TRAFD1: variants seen among roughly 807,000 people sequenced by gnomAD.
TRAFD1 encodes TRAF-type zinc finger domain-containing protein 1.
In TRAFD1, 38 loss-of-function variants were observed where a neutral mutation model predicts 65.3. The observed-to-expected ratio is 0.58, with a 90% CI of 0.45 to 0.76. The LOEUF is 0.76. TRAFD1 is among the 30% of genes least tolerant of loss of function. TRAFD1 has a pLI of 0.00. For synonymous variants in TRAFD1, 223 were observed against 257.2 expected, an observed-to-expected ratio of 0.87 and a Z score of 1.27; for missense variants, 631 against 712.6, an observed-to-expected ratio of 0.89 and a Z score of 1.30.
rs1593868441 is a variant in TRAFD1 at position 112,141,245 on chromosome 12, G to C, written c.643+21G>C. On this transcript the variant is annotated intron_variant, in intron 5 of 11. Coordinates refer to ENST00000412615, the MANE Select transcript of TRAFD1 (RefSeq NM_006700.3). ...TCTGTGTGAGTTGTGCTTGGGATTA[G>C]GGAACTAGAATGGTATCAAAATCCC... 3.7e-6 allele frequency: 6 copies of C among 1,610,216 alleles called. No individual in the cohort carries two copies. The African/African-American group carries it at 8.0e-5, about 21-fold the overall frequency.
chr12:112,130,680 GCTTT>G lies in TRAFD1; in HGVS notation c.47+114_47+117del, dbSNP rs2079563200. The G allele has an allele frequency of 1.1e-6, 1 of 878,932 alleles. No individual in the cohort carries two copies. Among genetic ancestry groups the G allele is most frequent in the African/African-American group, 1.7e-5 (1 of 58,336 alleles). 54.4% of individuals were successfully genotyped at this position (878,932 alleles called of 1,614,324 possible). ...GAAGACTGGCACAGTCTTGAGTTAA[GCTTT>G]CTATTTTGGTGTTTATAACCCACAT... On this transcript the variant is annotated intron_variant, in intron 2 of 11. Transcript: ENST00000412615. This position sits in a 1 kb window ranked among gnomAD's most constrained non-coding sequence, Gnocchi z 4.4.
chr12:112,147,199 A>G (rs977350645), intron 7 of TRAFD1, among the ~76,000 whole-genome samples: 8 of 151,906 alleles, frequency 5.3e-5, no homozygotes, highest in Admixed American at 2.6e-4. Context: ...GGGTTTCACC[A>G]TGTTGGCTAG....
Position 112,148,134 on chromosome 12 carries a change from G to A in TRAFD1, c.988G>A (p.Gly330Arg), listed in dbSNP as rs767565949. ...CAATACTGGCAGCTCTTCCCCCAGAGGGGTGGAGGAACCTGATGTCATCTT... is the reference window on the plus strand; with the variant it reads ...CAATACTGGCAGCTCTTCCCCCAGAAGGGTGGAGGAACCTGATGTCATCTT... ...SLNTGSSSPR[G>R]VEEPDVIFQN... is the part of the protein sequence containing the mutation. The change falls in exon 8 of 12, where the codon GGG becomes AGG. Residue 330 changes from glycine to arginine, a missense_variant. By Grantham distance (125) the Gly-to-Arg change is moderately radical. Transcript: ENST00000412615. 4 of 1,614,170 alleles carry A rather than the reference G, an allele frequency of 2.5e-6. No homozygotes were observed. The highest frequency in any genetic ancestry group is 3.4e-6 in the Non-Finnish European group (4 of 1,179,998).
At chr12:112,147,973 A>T in intron 7 of TRAFD1, 101 bp from the exon 8 acceptor site, 2 of 1,152,918 alleles carry the variant, frequency 1.7e-6, no homozygotes, top group Non-Finnish European at 2.4e-6. Context: ...CCGGCCAAGC[A>T]TTGTTAAAAT....
chr12:112,146,553 G>A (rs2030255376), intron 7 of TRAFD1, among the ~76,000 whole-genome samples: 1 of 152,206 alleles, frequency 6.6e-6, no homozygotes, highest in East Asian at 1.9e-4. Context: ...TTTCTAGAAA[G>A]GTCAAGGGTG....
chr12:112,135,550 CG>C (rs2079594473), intron 4 of TRAFD1, among the ~76,000 whole-genome samples: 1 of 152,096 alleles, frequency 6.6e-6, no homozygotes, highest in African/African-American at 2.4e-5. Flanking sequence ...TCTCCTGCCT[CG>C]GCCTCCTGAG....
At chr12:112,139,492 C>G (rs1476339861) in intron 4 of TRAFD1, among the ~76,000 whole-genome samples, 3 of 151,454 alleles carry the variant, frequency 2.0e-5, no homozygotes, top group Admixed American at 6.6e-5. Context: ...GGTGTTATCC[C>G]AGCTCACTGC....
intron 1 of TRAFD1, among the ~76,000 whole-genome samples, chr12:112,129,801 C>T (rs111958936): frequency 0.065 from 9,916 of 152,006 alleles, 363 homozygotes; most frequent in Middle Eastern, 0.16. Context: ...CGCCACCACA[C>T]CCAGCTAATT....
chr12:112,153,051 G>A lies in TRAFD1; in HGVS notation c.*260G>A, dbSNP rs2030453467. ...GCAGTGAAATACAAGCTGCAGCCTC[G>A]GCTGCCAGGGCTCCCTTTTGACTTA... On this transcript the variant is annotated 3_prime_UTR_variant, in exon 12 of 12. Coordinates refer to ENST00000412615, the MANE Select transcript of TRAFD1 (RefSeq NM_006700.3). 4.7e-6 allele frequency: 2 copies of A among 421,100 alleles called. No homozygotes were observed. Among genetic ancestry groups the A allele is most frequent in the Non-Finnish European group, 8.5e-6 (2 of 235,040 alleles). 26.1% of individuals were successfully genotyped at this position (421,100 alleles called of 1,614,324 possible). A position where few individuals can be genotyped will look rare whatever the true frequency, so the allele number is the denominator to read the frequency against.
At chr12:112,147,067 G>A (rs1470492143) in intron 7 of TRAFD1, among the ~76,000 whole-genome samples, 1 of 138,418 alleles carries the variant, frequency 7.2e-6, no homozygotes, top group African/African-American at 2.8e-5. Context: ...TGACGCGATC[G>A]GGGCTCACTG....
Position 112,152,255 on chromosome 12 carries a change from G to A in TRAFD1, c.1619+115G>A. The A allele has an allele frequency of 7.1e-6, 10 of 1,406,688 alleles. No homozygotes were observed. Among genetic ancestry groups the A allele is most frequent in the Middle Eastern group, 1.8e-4 (1 of 5,496 alleles). 87.1% of individuals were successfully genotyped at this position (1,406,688 alleles called of 1,614,324 possible). On this transcript the variant is annotated intron_variant, in intron 10 of 11. Coordinates refer to ENST00000412615, the MANE Select transcript of TRAFD1 (RefSeq NM_006700.3). The surrounding 1 kb of genome is among the most constrained non-coding windows in gnomAD (Gnocchi z 5.0). ...GACTGAGGTACTTGCATGGTAAGGG[G>A]AGGAGTATGGATTTTCCCTGTATTG... is the stretch of plus-strand genomic sequence containing the variant.
At chr12:112,129,193 ATTTTTTTTT>A (rs56949881) in intron 1 of TRAFD1, among the ~76,000 whole-genome samples, 6 of 81,366 alleles carry the variant, frequency 7.4e-5, no homozygotes, top group South Asian at 5.0e-4. Context: ...TGGGATGGTG[ATTTTTTTTT>A]TTTTTTTTTT....
intron 2 of TRAFD1, among the ~76,000 whole-genome samples, chr12:112,133,705 T>A (rs1389511974): frequency 1.3e-5 from 2 of 151,662 alleles, no homozygotes; most frequent in Admixed American, 1.3e-4. Flanking sequence ...CAGGATTTAG[T>A]TCTTTTTTTT....
chr12:112,149,748 T>A lies in TRAFD1; in HGVS notation c.1159-3T>A, dbSNP rs754921888. On this transcript the variant is annotated splice_polypyrimidine_tract_variant and splice_region_variant and intron_variant, in intron 8 of 11. Coordinates refer to ENST00000412615, the MANE Select transcript of TRAFD1 (RefSeq NM_006700.3). ...GGTACTAATTCTGGTTTTTCTTGTT[T>A]AGGACCAGTGTGACCAACGCCCAGC... 1.9e-5 allele frequency: 30 copies of A among 1,614,048 alleles called. No individual in the cohort carries two copies. In the Admixed American group the frequency reaches 5.0e-4, roughly 27 times the overall value.
In TRAFD1 at chr12:112,148,287, G is replaced by C. The variant is rs142954248; in HGVS notation, c.1141G>C (p.Val381Leu). 2,002 of 1,614,094 alleles carry C rather than the reference G, an allele frequency of 1.2e-3. 2 individuals are homozygous for C. The highest frequency in any genetic ancestry group is 1.5e-3 in the Non-Finnish European group (1,794 of 1,179,964). The change falls in exon 8 of 12, where the codon GTG (valine) becomes CTG (leucine). Residue 381 changes from valine to leucine, a missense_variant. Coordinates refer to ENST00000412615, the MANE Select transcript of TRAFD1 (RefSeq NM_006700.3). ...CTGTGGGGTACAGCTGGAAGAGGAG[G>C]TGCTGTTCCATCACCAGGTAAGGGT... is the stretch of plus-strand genomic sequence containing the variant. The part of the protein sequence containing the change: ...EFCGVQLEEE[V>L]LFHHQDQCDQ...
intron 7 of TRAFD1, among the ~76,000 whole-genome samples, chr12:112,147,100 G>A (rs559134584): frequency 1.1e-4 from 16 of 144,274 alleles, no homozygotes; most frequent in African/African-American, 1.5e-4. Flanking sequence ...CCGGGGTTCC[G>A]GCTGTTCTCC....
chr12:112,152,910 T>C lies in TRAFD1; in HGVS notation c.*119T>C. ...AGAGTTTTTCCAGATTTTAGATTTTTCTAGGTTATGGCCATTTTGTGTCTT... is the reference window on the plus strand; with the variant it reads ...AGAGTTTTTCCAGATTTTAGATTTTCCTAGGTTATGGCCATTTTGTGTCTT... On this transcript the variant is annotated 3_prime_UTR_variant, in exon 12 of 12. Coordinates refer to ENST00000412615, the MANE Select transcript of TRAFD1 (RefSeq NM_006700.3). This position sits in a 1 kb window ranked among gnomAD's most constrained non-coding sequence, Gnocchi z 5.0. The C allele has an allele frequency of 8.3e-7, 1 of 1,210,144 alleles. No homozygotes were observed. The allele number at this position is 1,210,144 out of a possible 1,614,324, so 75.0% of individuals were successfully genotyped here.
rs953858405 is a variant in TRAFD1 at position 112,139,787 on chromosome 12, A to G, written c.238-1032A>G. Among the ~76,000 whole-genome samples the G allele has an allele frequency of 2.0e-5, 3 of 151,574 alleles. No individual in the cohort carries two copies. In the East Asian group the frequency reaches 5.9e-4, roughly 30 times the overall value. On this transcript the variant is annotated intron_variant, in intron 4 of 11. Transcript: ENST00000412615. ...GAGTAGTGGCTCATACCATTTGAGG[A>G]TGGGAGTTTGAGACCAACTTGGCTA...
chr12:112,149,424 T>C (rs114495003), intron 8 of TRAFD1: 318 of 236,018 alleles, frequency 1.3e-3, no homozygotes, highest in African/African-American at 6.1e-3. Flanking sequence ...ATTGAACTCC[T>C]TGTTCTACTC....
Sources: allele counts gnomAD v4.1 joint callset (sites outside exome capture counted in the v4.1 genomes callset), GRCh38; gene constraint gnomAD v4.1.1; non-coding constraint Gnocchi (gnomAD v3.1); transcripts MANE v1.5; gene names NCBI Gene and HGNC (gene_info 2026-07-23, HGNC 2026-07-21).